PRDM15: variants seen among roughly 807,000 people sequenced by gnomAD.
PRDM15 encodes PR domain zinc finger protein 15.
A neutral mutation model predicts 128.6 loss-of-function variants in PRDM15; 64 were observed. The ratio of observed to expected loss-of-function variants is 0.50; its 90% CI spans 0.41 to 0.61. The LOEUF is 0.61. PRDM15 is among the 20% of genes least tolerant of loss of function. PRDM15 has a pLI of 0.00. For missense variants in PRDM15, 1,242 were observed against 1,569.1 expected (o/e 0.79, Z 3.52); for synonymous variants, 615 against 621.8 (o/e 0.99, Z 0.16).
At chr21:41,860,586 C>G (rs1013610514) in intron 1 of PRDM15, among the ~76,000 whole-genome samples, 1 of 152,148 alleles carries the variant, frequency 6.6e-6, no homozygotes, top group Admixed American at 6.5e-5. Flanking sequence ...CCACACCCAG[C>G]TAATTTTTGT....
At chr21:41,834,306 C>A (rs974758808) in intron 11 of PRDM15, among the ~76,000 whole-genome samples, 2 of 152,292 alleles carry the variant, frequency 1.3e-5, no homozygotes, top group African/African-American at 4.8e-5. Flanking sequence ...CCCCCCGCGC[C>A]CAGCAGCTAC....
chr21:41,813,192 T>C (rs1286813380), intron 19 of PRDM15: 1 of 152,118 alleles, frequency 6.6e-6, no homozygotes, highest in Non-Finnish European at 1.5e-5. Flanking sequence ...TAAAGGCACT[T>C]AACTCAGTCC....
intron 3 of PRDM15, among the ~76,000 whole-genome samples, chr21:41,858,518 C>T (rs1037060890): frequency 6.8e-6 from 1 of 147,064 alleles, no homozygotes; most frequent in African/African-American, 2.5e-5. Flanking sequence ...CAGGCCCCTC[C>T]GACAGAGGCG....
chr21:41,801,816 AG>A, intron 23 of PRDM15, 94 bp from the exon 24 acceptor site: 1 of 1,355,730 alleles, frequency 7.4e-7, no homozygotes. Flanking sequence ...ACCACACCAA[AG>A]AAGCACGACA....
chr21:41,801,232 A>G lies in PRDM15; in HGVS notation c.*8T>C. The G allele has an allele frequency of 6.6e-7, 1 of 1,513,142 alleles. No homozygotes were observed. Among genetic ancestry groups the G allele is most frequent in the Non-Finnish European group, 8.8e-7 (1 of 1,134,562 alleles). 93.7% of individuals were successfully genotyped at this position (1,513,142 alleles called of 1,614,324 possible). On this transcript the variant is annotated 3_prime_UTR_variant, in exon 24 of 24. Transcript: ENST00000398548. ...GCAGTTCTTGCCCCGAGTCTCCCGGAACGCAGCTCAGTAGCTGTACATCTG... is the reference window on the plus strand; with the variant it reads ...GCAGTTCTTGCCCCGAGTCTCCCGGGACGCAGCTCAGTAGCTGTACATCTG...
At chr21:41,851,440 T>C (rs572586501) in intron 5 of PRDM15, among the ~76,000 whole-genome samples, 56 of 151,738 alleles carry the variant, frequency 3.7e-4, no homozygotes, top group African/African-American at 1.2e-3. Context: ...CTGGGTGCAT[T>C]GGGCGGGCAG....
chr21:41,835,637 C>G, intron 10 of PRDM15, 113 bp from the exon 11 acceptor site: 2 of 727,880 alleles, frequency 2.7e-6, no homozygotes, highest in Non-Finnish European at 4.8e-6. Flanking sequence ...TGACTCTGAC[C>G]TCCACCACCC....
Position 41,838,054 on chromosome 21 carries a change from G to T in PRDM15, c.881C>A (p.Ala294Glu). Residue 294 changes from alanine (A) to glutamate (E), a missense_variant, in exon 8 of 24, where the codon GCA (alanine) becomes GAA (glutamate). Coordinates refer to ENST00000398548, the MANE Select transcript of PRDM15 (RefSeq NM_001040424.3). ...CGGAGGGACCTCGGTAATGATCTCT[G>T]CCACTTGCTCTGTACGAAGGGGATG... ...VEDKEPTEQV[A>E]EIITEVPPDE... The T allele has an allele frequency of 6.2e-7, 1 of 1,614,044 alleles. No individual in the cohort carries two copies. Among genetic ancestry groups the T allele is most frequent in the Non-Finnish European group, 8.5e-7 (1 of 1,180,002 alleles).
intron 6 of PRDM15, among the ~76,000 whole-genome samples, chr21:41,844,803 G>A (rs770441053): frequency 0.013 from 7 of 524 alleles, 1 homozygote; most frequent in Non-Finnish European, 0.02. Flanking sequence ...GACACACACA[G>A]TCCCTCCCCC....
chr21:41,839,970 T>A, intron 6 of PRDM15, 117 bp from the exon 7 acceptor site: 2 of 768,110 alleles, frequency 2.6e-6, no homozygotes, highest in South Asian at 1.7e-5. Flanking sequence ...AACCTTTGTA[T>A]AGGCAAGTGA....
At chr21:41,876,307 G>A (rs79725710) in intron 1 of PRDM15, among the ~76,000 whole-genome samples, 2,073 of 152,268 alleles carry the variant, frequency 0.014, 49 homozygotes, top group African/African-American at 0.048. Flanking sequence ...ACAAATGCTC[G>A]CCTCTGTCCC....
In PRDM15 at chr21:41,810,990, G is replaced by C; in HGVS notation, c.2393-154C>G. The C allele has an allele frequency of 1.6e-6, 1 of 613,746 alleles. No individual in the cohort carries two copies. The highest frequency in any genetic ancestry group is 2.9e-6 in the Non-Finnish European group (1 of 343,662). 38.0% of individuals were successfully genotyped at this position (613,746 alleles called of 1,614,324 possible). ...AGCAGACAATGAACGCTCATCCCCA[G>C]CCTCGGCCAGCAAAGTGTGGCTTGG... is the stretch of plus-strand genomic sequence containing the variant. On this transcript the variant is annotated intron_variant, in intron 19 of 23. Coordinates refer to ENST00000398548, the MANE Select transcript of PRDM15 (RefSeq NM_001040424.3). This position sits in a 1 kb window ranked among gnomAD's most constrained non-coding sequence, Gnocchi z 6.4.
Position 41,821,263 on chromosome 21 carries a change from C to G in PRDM15, c.1897-33G>C. On this transcript the variant is annotated intron_variant, in intron 15 of 23. Transcript: ENST00000398548. This position sits in a 1 kb window ranked among gnomAD's most constrained non-coding sequence, Gnocchi z 5.4. ...CCAGGTGGACAGGGCACTGCTGACA[C>G]CCGCATGAGGTCCCTGGTCCTCTTA... 6.2e-7 allele frequency: 1 copy of G among 1,612,850 alleles called. No homozygotes were observed. The highest frequency in any genetic ancestry group is 8.5e-7 in the Non-Finnish European group (1 of 1,179,624).
intron 11 of PRDM15, among the ~76,000 whole-genome samples, chr21:41,830,997 G>A (rs1244879670): frequency 1.3e-5 from 2 of 152,190 alleles, no homozygotes; most frequent in African/African-American, 4.8e-5. Flanking sequence ...CGACCCCGGG[G>A]CCCAGCAGAG....
At chr21:41,850,288 C>T (rs74609988) in intron 5 of PRDM15, among the ~76,000 whole-genome samples, 1,930 of 147,418 alleles carry the variant, frequency 0.013, 56 homozygotes, top group African/African-American at 0.044. Context: ...GGTGCCCCCC[C>T]ACACTTTCCT....
intron 1 of PRDM15, chr21:41,871,844 C>T (rs949373854): frequency 1.8e-5 from 9 of 494,332 alleles, no homozygotes; most frequent in Admixed American, 1.1e-4. Flanking sequence ...GTGCTCTGAC[C>T]GGCCCTGCCG....
chr21:41,826,603 T>C (rs985438881), intron 12 of PRDM15, among the ~76,000 whole-genome samples: 6 of 152,242 alleles, frequency 3.9e-5, no homozygotes, highest in African/African-American at 1.2e-4. Context: ...TAAATGTTCA[T>C]GCAAAACAGG....
In PRDM15 at chr21:41,846,366, C is replaced by A. The variant is rs116378818; in HGVS notation, c.640+724G>T. On this transcript the variant is annotated intron_variant, in intron 6 of 23. Transcript: ENST00000398548. The stretch of plus-strand genomic sequence containing the variant: ...GCAGAAGCTGGAAATGTGTTCAATT[C>A]TCTCCCGGCCACCTTAAATTGGAAT... 3.1e-3 allele frequency among the ~76,000 whole-genome samples: 477 copies of A among 152,378 alleles called. 2 individuals are homozygous for A. Among genetic ancestry groups the A allele is most frequent in the African/African-American group, 9.8e-3 (408 of 41,586 alleles).
intron 11 of PRDM15, among the ~76,000 whole-genome samples, chr21:41,829,191 ACACACACATACACATACATGT>A (rs2062592155): frequency 6.9e-6 from 1 of 145,868 alleles, no homozygotes; most frequent in African/African-American, 2.6e-5. Context: ...TACACACACC[ACACACACATACACATACATGT>A]CACACACACC....
Sources: gnomAD v4.1 joint callset for allele counts (sites outside exome capture counted in the v4.1 genomes callset) on GRCh38, gnomAD v4.1.1 for gene constraint, Gnocchi (gnomAD v3.1) non-coding constraint, MANE v1.5 for transcripts, NCBI Gene and HGNC (gene_info 2026-07-23, HGNC 2026-07-21) for gene names.